Variants in PCDH9 observed in about 807,000 individuals in gnomAD.
PCDH9 encodes the protein protocadherin 9, also known as protocadherin-9.
In PCDH9, 24 loss-of-function variants were observed where a neutral mutation model predicts 70.6. The ratio of observed to expected loss-of-function variants is 0.34; its 90% confidence interval spans 0.25 to 0.48. The LOEUF (loss-of-function observed/expected upper bound fraction) is 0.48. Among genes scored for constraint, PCDH9 ranks in the 20% least tolerant of loss-of-function variants. PCDH9 has a pLI of 0.99. For missense variants in PCDH9, 1,281 were observed against 1,503.6 expected (o/e 0.85, Z 2.45); for synonymous variants, 562 against 558.5 (o/e 1.01, Z -0.09).
intron 3 of PCDH9, among the ~76,000 whole-genome samples, chr13:66,823,716 T>A (rs1008116840): frequency 1.3e-5 from 2 of 152,144 alleles, no homozygotes; most frequent in Admixed American, 1.3e-4. Context: ...TTGGTTCATC[T>A]CAGCATTGGT....
chr13:66,380,011 G>A (rs1212012613), intron 4 of PCDH9, among the ~76,000 whole-genome samples: 2 of 152,066 alleles, frequency 1.3e-5, no homozygotes, highest in Non-Finnish European at 2.9e-5. Context: ...AGAATTTCAC[G>A]TAGAATATAT....
At chr13:66,521,143 T>A (rs2138609289) in intron 4 of PCDH9, among the ~76,000 whole-genome samples, 1 of 152,206 alleles carries the variant, frequency 6.6e-6, no homozygotes, top group East Asian at 1.9e-4. Flanking sequence ...GAGCAATCAG[T>A]TCTAAATTAA....
At chr13:66,858,077 C>A (rs993494711) in intron 3 of PCDH9, among the ~76,000 whole-genome samples, 31 of 152,134 alleles carry the variant, frequency 2.0e-4, no homozygotes, top group Admixed American at 1.7e-3. Context: ...AGCATCCTTA[C>A]TAAGATAAAT....
intron 3 of PCDH9, among the ~76,000 whole-genome samples, chr13:66,811,753 CTTTT>C (rs967206156): frequency 3.5e-5 from 4 of 115,694 alleles, no homozygotes; most frequent in South Asian, 3.2e-4. Context: ...TCCTTCCTTT[CTTTT>C]TCTTTCTCTC....
intron 4 of PCDH9, among the ~76,000 whole-genome samples, chr13:66,421,824 T>A (rs4884672): frequency 0.38 from 58,063 of 151,968 alleles, 12,006 homozygotes; most frequent in East Asian, 0.51. Flanking sequence ...AACTGAAATG[T>A]TAACAGGCTA....
At chr13:66,641,263 T>A (rs2077704919) in intron 3 of PCDH9, among the ~76,000 whole-genome samples, 1 of 152,050 alleles carries the variant, frequency 6.6e-6, no homozygotes, top group Non-Finnish European at 1.5e-5. Context: ...GGGAATGATG[T>A]ACCCCTGTAG....
chr13:66,455,613 T>C (rs182133813), intron 4 of PCDH9, among the ~76,000 whole-genome samples: 1 of 152,246 alleles, frequency 6.6e-6, no homozygotes, highest in Admixed American at 6.5e-5. Context: ...TTTCTCTTTC[T>C]ATTTTAAATT....
At chr13:66,448,031 T>C (rs1566333263) in intron 4 of PCDH9, among the ~76,000 whole-genome samples, 1 of 152,148 alleles carries the variant, frequency 6.6e-6, no homozygotes, top group South Asian at 2.1e-4. Flanking sequence ...CTGTAATTAG[T>C]TCCTAATTGG....
intron 4 of PCDH9, among the ~76,000 whole-genome samples, chr13:66,411,897 T>C (rs977639287): frequency 1.3e-5 from 2 of 152,190 alleles, no homozygotes; most frequent in Non-Finnish European, 1.5e-5. Context: ...AATGGGGGGC[T>C]GCTCCCATAG....
intron 2 of PCDH9, among the ~76,000 whole-genome samples, chr13:67,198,955 A>G (rs2089143925): frequency 5.3e-5 from 8 of 151,768 alleles, no homozygotes; most frequent in Admixed American, 5.3e-4. Context: ...TTCAAAAGCT[A>G]TTTCTATTCA....
chr13:66,923,763 T>C (rs921427676), intron 2 of PCDH9, among the ~76,000 whole-genome samples: 1 of 151,748 alleles, frequency 6.6e-6, no homozygotes, highest in African/African-American at 2.4e-5. Flanking sequence ...AGTGTTGCCA[T>C]TGCACTTTTC....
chr13:66,573,556 T>C (rs894599318), intron 4 of PCDH9, among the ~76,000 whole-genome samples: 24 of 152,316 alleles, frequency 1.6e-4, no homozygotes, highest in African/African-American at 5.8e-4. Flanking sequence ...GAAAAGATTG[T>C]GTCTTTCTCA....
intron 4 of PCDH9, among the ~76,000 whole-genome samples, chr13:66,309,978 C>T (rs545572093): frequency 6.6e-6 from 1 of 151,930 alleles, no homozygotes; most frequent in African/African-American, 2.4e-5. Context: ...TTTATCATTA[C>T]ACCAGTTTAT....
intron 2 of PCDH9, among the ~76,000 whole-genome samples, chr13:67,129,731 G>C (rs2087064607): frequency 1.3e-5 from 2 of 151,832 alleles, no homozygotes; most frequent in Admixed American, 6.6e-5. Context: ...AAAGAAGTTT[G>C]TTTTTCTATC....
intron 4 of PCDH9, among the ~76,000 whole-genome samples, chr13:66,364,290 G>T (rs1012168285): frequency 3.9e-5 from 6 of 152,152 alleles, no homozygotes; most frequent in Non-Finnish European, 8.8e-5. Flanking sequence ...TGATTTGATT[G>T]TTATCTACAT....
intron 3 of PCDH9, among the ~76,000 whole-genome samples, chr13:66,758,568 T>A (rs1431465192): frequency 1.3e-5 from 2 of 152,074 alleles, no homozygotes; most frequent in Admixed American, 1.3e-4. Context: ...TCTGTAATTT[T>A]AACAAGTGGT....
At chr13:66,550,561 G>A (rs1961439262) in intron 4 of PCDH9, among the ~76,000 whole-genome samples, 1 of 152,098 alleles carries the variant, frequency 6.6e-6, no homozygotes, top group African/African-American at 2.4e-5. Flanking sequence ...CAGGTTGATG[G>A]AGCTAACATC....
intron 4 of PCDH9, among the ~76,000 whole-genome samples, chr13:66,350,649 A>G (rs561644537): frequency 1.3e-5 from 2 of 152,328 alleles, no homozygotes; most frequent in South Asian, 2.1e-4. Flanking sequence ...TCTGTCTCAC[A>G]TTCAGTGCAC....
rs558431989 is a variant in PCDH9 at position 66,477,127 on chromosome 13, T to A, written c.3340+154083A>T. On this transcript the variant is annotated intron_variant, in intron 4 of 4. Transcript: ENST00000377865. ...CATTAAGAGACTAAGCAGTTCAATG[T>A]GCATGTCTGTCTAACGAGACAATAT... 2.6e-5 allele frequency among the ~76,000 whole-genome samples: 4 copies of A among 152,264 alleles called. No homozygotes were observed. The South Asian group carries it at 8.3e-4, about 32-fold the overall frequency.
Sources: allele counts gnomAD v4.1 joint callset (sites outside exome capture counted in the v4.1 genomes callset), GRCh38; gene constraint gnomAD v4.1.1; transcripts MANE v1.5; gene names NCBI Gene and HGNC (gene_info 2026-07-23, HGNC 2026-07-21).